The following DENND5A variants were observed in gnomAD, a reference collection of about 807,000 sequenced individuals.
DENND5A encodes DENN domain-containing protein 5A.
A neutral mutation model predicts 140.3 loss-of-function variants in DENND5A; 64 were observed. The ratio of observed to expected loss-of-function variants is 0.46; its 90% confidence interval spans 0.37 to 0.56. The LOEUF (loss-of-function observed/expected upper bound fraction) is 0.56. Among genes scored for constraint, DENND5A ranks in the 20% least tolerant of loss-of-function variants. DENND5A has a pLI of 0.00. For synonymous variants in DENND5A, 605 were observed against 607.7 expected (o/e 1.00, Z 0.07); for missense variants, 1,292 against 1,593.8 (o/e 0.81, Z 3.22).
At chr11:9,264,824 T>A (rs1315373676) in intron 1 of DENND5A, 137 bp downstream of exon 1, 1 of 705,390 alleles carries the variant, frequency 1.4e-6, no homozygotes. Context: ...AAAGCCCCCT[T>A]CGCCCGCGCC....
chr11:9,203,724 C>T lies in DENND5A; in HGVS notation c.885G>A (p.Val295=), dbSNP rs781687208. The change falls in exon 4 of 23, where the codon GTG becomes GTA. Residue 295 remains valine (V), a synonymous_variant. Coordinates refer to ENST00000328194, the MANE Select transcript of DENND5A (RefSeq NM_015213.4). ...PVKEVFELLG[V]ENVFQLFTCA... The stretch of plus-strand genomic sequence containing the variant: ...AAGTAAAAAGCTGAAACACATTCTC[C>T]ACCCCGAGCAGTTCAAAAACCTCTT... 5.0e-6 allele frequency: 8 copies of T among 1,614,154 alleles called. No homozygotes were observed. The highest frequency in any genetic ancestry group is 4.5e-5 in the East Asian group (2 of 44,886).
chr11:9,172,994 T>A (rs963018905), intron 8 of DENND5A, among the ~76,000 whole-genome samples: 1 of 151,716 alleles, frequency 6.6e-6, no homozygotes, highest in African/African-American at 2.4e-5. Flanking sequence ...TTTTTTTTTT[T>A]TTTATATGTT....
rs150876666 is a variant in DENND5A at position 9,206,064 on chromosome 11, G to A, written c.291+609C>T. On this transcript the variant is annotated intron_variant, in intron 3 of 22. Transcript: ENST00000328194. Reference sequence around the variant, plus strand: ...ATTTCTTCATCTGTAAAATATGTACGTGTGTATGTGTTTATTTAATACTAC... The same window carrying A: ...ATTTCTTCATCTGTAAAATATGTACATGTGTATGTGTTTATTTAATACTAC... Among the ~76,000 whole-genome samples the A allele has an allele frequency of 1.7e-4, 26 of 152,248 alleles. No individual in the cohort carries two copies. The East Asian group carries it at 4.1e-3, about 24-fold the overall frequency.
At chr11:9,149,302 T>TC (rs1158420801) in intron 15 of DENND5A, among the ~76,000 whole-genome samples, 1 of 152,214 alleles carries the variant, frequency 6.6e-6, no homozygotes, top group African/African-American at 2.4e-5. Context: ...ACTGTCCACC[T>TC]CCTGTCTGTG....
At chr11:9,228,456 A>C (rs1850625031) in intron 1 of DENND5A, among the ~76,000 whole-genome samples, 2 of 152,094 alleles carry the variant, frequency 1.3e-5, no homozygotes, top group Non-Finnish European at 2.9e-5. Flanking sequence ...CTCCACTTTG[A>C]AAACCCATAA....
intron 10 of DENND5A, among the ~76,000 whole-genome samples, chr11:9,166,212 G>GGGACTACAGGCATGTGCCACCACGCCC (rs1177207856): frequency 6.6e-6 from 1 of 151,794 alleles, no homozygotes; most frequent in Non-Finnish European, 1.5e-5. Context: ...CTGAGTGGCT[G>GGGACTACAGGCATGTGCCACCACGCCC]GGACTACAGG....
At chr11:9,164,078 T>G (rs1402320678) in intron 11 of DENND5A, among the ~76,000 whole-genome samples, 5 of 132,504 alleles carry the variant, frequency 3.8e-5, no homozygotes, top group Admixed American at 1.6e-4. Context: ...TTTTTTTTTT[T>G]TTTTTTTTTT....
chr11:9,198,623 AAAAAG>A (rs1849415608), intron 4 of DENND5A, among the ~76,000 whole-genome samples: 1 of 152,102 alleles, frequency 6.6e-6, no homozygotes, highest in African/African-American at 2.4e-5. Flanking sequence ...AAAAAAAAGA[AAAAAG>A]AAAAGTAAAG....
At position 9,190,388 on chromosome 11, in the gene DENND5A, G is replaced by C. The variant is rs555315988; in HGVS notation, c.1137+3106C>G. 2.6e-5 allele frequency among the ~76,000 whole-genome samples: 4 copies of C among 152,194 alleles called. No homozygotes were observed. In the South Asian group the frequency reaches 8.3e-4, roughly 32 times the overall value. ...ATGTGTTGTGTGAGGTACCCAGTAGGGGGTAGTTGAATCATGGGGGCAGGT... is the reference window on the plus strand; with the variant it reads ...ATGTGTTGTGTGAGGTACCCAGTAGCGGGTAGTTGAATCATGGGGGCAGGT... On this transcript the variant is annotated intron_variant, in intron 5 of 22. Transcript: ENST00000328194.
At chr11:9,180,161 A>C (rs1406203713) in intron 6 of DENND5A, among the ~76,000 whole-genome samples, 3 of 152,146 alleles carry the variant, frequency 2.0e-5, no homozygotes, top group African/African-American at 7.2e-5. Flanking sequence ...AATGGATCTA[A>C]AAGAGATCTG....
intron 1 of DENND5A, among the ~76,000 whole-genome samples, chr11:9,243,105 C>CAAA (rs71453907): frequency 8.9e-6 from 1 of 112,804 alleles, no homozygotes; most frequent in East Asian, 2.4e-4. Context: ...AAAAAAAAAA[C>CAAA]AAAAAAAAAA....
chr11:9,223,427 C>G (rs753079259), intron 1 of DENND5A, among the ~76,000 whole-genome samples: 3 of 152,060 alleles, frequency 2.0e-5, no homozygotes, highest in Non-Finnish European at 4.4e-5. Context: ...GTAATCGCAG[C>G]TACTTGGGAG....
At chr11:9,139,985 C>T (rs1228192909) in intron 22 of DENND5A, 131 bp from the exon 23 acceptor site, 2 of 1,038,350 alleles carry the variant, frequency 1.9e-6, no homozygotes, top group African/African-American at 1.6e-5. Context: ...CCCCACACCC[C>T]CCTTTCCCAA....
At chr11:9,258,612 A>T (rs937013722) in intron 1 of DENND5A, among the ~76,000 whole-genome samples, 1 of 151,664 alleles carries the variant, frequency 6.6e-6, no homozygotes, top group African/African-American at 2.4e-5. Flanking sequence ...ACTAGAAAAA[A>T]ACTACCATAA....
chr11:9,175,953 T>C (rs7925418), intron 8 of DENND5A, among the ~76,000 whole-genome samples: 20,268 of 152,136 alleles, frequency 0.13, 1,479 homozygotes, highest in African/African-American at 0.18. Context: ...AACTGATAAA[T>C]TGGGCCTCAT....
chr11:9,196,022 G>A (rs969041598), intron 4 of DENND5A, among the ~76,000 whole-genome samples: 11 of 151,986 alleles, frequency 7.2e-5, no homozygotes, highest in Admixed American at 1.3e-4. Flanking sequence ...GCGCAATCTC[G>A]GCTCACTGCA....
At chr11:9,217,322 T>C (rs868384912) in intron 1 of DENND5A, among the ~76,000 whole-genome samples, 1 of 152,234 alleles carries the variant, frequency 6.6e-6, no homozygotes, top group Middle Eastern at 3.4e-3. Flanking sequence ...GAGACCAGCC[T>C]GGCCAACATG....
At chr11:9,195,337 A>C (rs1214759483) in intron 4 of DENND5A, among the ~76,000 whole-genome samples, 2 of 152,262 alleles carry the variant, frequency 1.3e-5, no homozygotes, top group South Asian at 4.1e-4. Flanking sequence ...CGGCCTCCCA[A>C]AGTGCTGGGA....
intron 1 of DENND5A, among the ~76,000 whole-genome samples, chr11:9,220,880 G>A (rs1448861820): frequency 1.3e-5 from 2 of 150,890 alleles, no homozygotes; most frequent in Middle Eastern, 3.5e-3. Context: ...GCGACAAAGC[G>A]AGACTCTGTC....
Sources: allele counts gnomAD v4.1 joint callset (sites outside exome capture counted in the v4.1 genomes callset), GRCh38; gene constraint gnomAD v4.1.1; transcripts MANE v1.5; gene names NCBI Gene and HGNC (gene_info 2026-07-23, HGNC 2026-07-21).